ELMO1: variants seen among roughly 807,000 people sequenced by gnomAD.
ELMO1 encodes engulfment and cell motility 1, also known as engulfment and cell motility protein 1.
A neutral mutation model predicts 98.9 loss-of-function variants in ELMO1; 26 were observed. That is an observed-to-expected ratio of 0.26 (90% CI 0.19 to 0.36). The LOEUF is 0.36. Among genes scored for constraint, ELMO1 ranks in the 10% least tolerant of loss-of-function variants. The probability of loss-of-function intolerance (pLI) is 1.00; values close to 1 mark genes in which losing one functional copy is unlikely to be tolerated. For synonymous variants in ELMO1, 346 were observed against 346.0 expected (o/e 1.00, Z 0.00); for missense variants, 627 against 935.2 (o/e 0.67, Z 4.30).
intron 6 of ELMO1, among the ~76,000 whole-genome samples, chr7:37,251,032 G>A (rs185936934): frequency 2.1e-4 from 32 of 152,208 alleles, no homozygotes; most frequent in Admixed American, 3.3e-4. Flanking sequence ...ACAGTGGAAG[G>A]ACACAGAAGT....
intron 15 of ELMO1, among the ~76,000 whole-genome samples, chr7:37,087,118 TC>T (rs1462489173): frequency 6.6e-6 from 1 of 152,240 alleles, no homozygotes; most frequent in African/African-American, 2.4e-5. Flanking sequence ...ATCTTTTTTT[TC>T]CATTTTATAA....
At chr7:37,399,197 C>T (rs1803420701) in intron 1 of ELMO1, among the ~76,000 whole-genome samples, 1 of 152,194 alleles carries the variant, frequency 6.6e-6, no homozygotes, top group Non-Finnish European at 1.5e-5. Context: ...CCAGGAAATG[C>T]CCATGAGGGC....
At chr7:37,180,810 G>GCA (rs776306979) in intron 13 of ELMO1, among the ~76,000 whole-genome samples, 6,778 of 131,084 alleles carry the variant, frequency 0.052, 206 homozygotes, top group Admixed American at 0.084. Flanking sequence ...ACACACATAT[G>GCA]CGCACACACA....
chr7:37,297,753 C>G (rs1188315545), intron 4 of ELMO1, among the ~76,000 whole-genome samples: 1 of 152,156 alleles, frequency 6.6e-6, no homozygotes, highest in Non-Finnish European at 1.5e-5. Flanking sequence ...TGAGGAATGA[C>G]TATGGGCCAA....
intron 1 of ELMO1, among the ~76,000 whole-genome samples, chr7:37,399,467 T>C (rs528869082): frequency 6.6e-6 from 1 of 152,280 alleles, no homozygotes; most frequent in South Asian, 2.1e-4. Context: ...AGGCACATGT[T>C]ATTCCTCTAC....
At chr7:37,374,860 A>G (rs1436446445) in intron 1 of ELMO1, among the ~76,000 whole-genome samples, 1 of 152,144 alleles carries the variant, frequency 6.6e-6, no homozygotes, top group Non-Finnish European at 1.5e-5. Flanking sequence ...CAGGAATTCA[A>G]GACAGTGCAG....
chr7:36,978,583 G>A, intron 16 of ELMO1, among the ~76,000 whole-genome samples: 1 of 152,124 alleles, frequency 6.6e-6, no homozygotes, highest in East Asian at 1.9e-4. Context: ...GATGGCTAAA[G>A]CTCAGCTATC....
At chr7:37,066,242 A>G (rs1796955710) in intron 15 of ELMO1, among the ~76,000 whole-genome samples, 1 of 152,158 alleles carries the variant, frequency 6.6e-6, no homozygotes, top group African/African-American at 2.4e-5. Flanking sequence ...TCACAACCAC[A>G]TGAGGAAGAG....
intron 13 of ELMO1, among the ~76,000 whole-genome samples, chr7:37,209,051 A>G (rs1003305784): frequency 2.0e-5 from 3 of 152,008 alleles, no homozygotes; most frequent in African/African-American, 7.2e-5. Context: ...GAAGCAGAAC[A>G]CTCCCCAGAC....
chr7:37,050,644 AC>A (rs1290075233), intron 15 of ELMO1, among the ~76,000 whole-genome samples: 3 of 151,446 alleles, frequency 2.0e-5, no homozygotes, highest in Admixed American at 6.6e-5. Context: ...ACACACACAC[AC>A]ACACACACAC....
intron 4 of ELMO1, among the ~76,000 whole-genome samples, chr7:37,289,554 C>T (rs968300710): frequency 2.6e-5 from 4 of 152,106 alleles, no homozygotes; most frequent in Non-Finnish European, 5.9e-5. Flanking sequence ...CTCTGAGGCT[C>T]AAAAAGCTGT....
chr7:37,418,273 T>A (rs1337401754), intron 1 of ELMO1, among the ~76,000 whole-genome samples: 2 of 152,216 alleles, frequency 1.3e-5, no homozygotes, highest in African/African-American at 4.8e-5. Context: ...CATTTTGAAC[T>A]GTCTTTAACA....
intron 1 of ELMO1, among the ~76,000 whole-genome samples, chr7:37,390,203 G>A (rs751232791): frequency 6.6e-6 from 1 of 152,224 alleles, no homozygotes; most frequent in Non-Finnish European, 1.5e-5. Flanking sequence ...TCTGTATTTT[G>A]CAGCTGTCGC....
chr7:37,008,004 A>G (rs965113896), intron 16 of ELMO1, among the ~76,000 whole-genome samples: 2 of 152,196 alleles, frequency 1.3e-5, no homozygotes, highest in Admixed American at 1.3e-4. Flanking sequence ...TCTAAGCTCT[A>G]TTGTGTGCGC....
At chr7:36,944,307 A>G (rs1187926148) in intron 16 of ELMO1, among the ~76,000 whole-genome samples, 3 of 152,186 alleles carry the variant, frequency 2.0e-5, no homozygotes, top group Non-Finnish European at 4.4e-5. Flanking sequence ...TGGGCACGAC[A>G]ATCCTGAGAA....
chr7:37,332,228 A>G (rs1800168913), intron 2 of ELMO1, among the ~76,000 whole-genome samples: 1 of 152,260 alleles, frequency 6.6e-6, no homozygotes, highest in African/African-American at 2.4e-5. Context: ...GTAATAATGT[A>G]TTTAGAATAC....
intron 13 of ELMO1, among the ~76,000 whole-genome samples, chr7:37,133,917 C>A (rs1787092181): frequency 6.6e-6 from 1 of 152,106 alleles, no homozygotes; most frequent in Non-Finnish European, 1.5e-5. Context: ...TCAAACACCT[C>A]AGCAACACAA....
intron 4 of ELMO1, among the ~76,000 whole-genome samples, chr7:37,304,654 T>G (rs1010543486): frequency 5.3e-5 from 8 of 152,130 alleles, no homozygotes; most frequent in Non-Finnish European, 1.0e-4. Flanking sequence ...AGGTGGAGGT[T>G]GCAGTGAGCC....
rs145780498 is a variant in ELMO1 at position 37,414,093 on chromosome 7, T to C, written c.-74+34582A>G. ...AAATAATATTTTAATATAATTAATA[T>C]CATTTAATATCAAAATAATATTGAG... On this transcript the variant is annotated intron_variant, in intron 1 of 21. Coordinates refer to ENST00000310758, the MANE Select transcript of ELMO1 (RefSeq NM_014800.11). Among the ~76,000 whole-genome samples, 213 of 152,264 alleles carry C rather than the reference T, an allele frequency of 1.4e-3. 1 individual carries two copies. The highest frequency in any genetic ancestry group is 5.0e-3 in the African/African-American group (209 of 41,554).
Sources: gnomAD v4.1 joint callset for allele counts (sites outside exome capture counted in the v4.1 genomes callset) on GRCh38, gnomAD v4.1.1 for gene constraint, MANE v1.5 for transcripts, NCBI Gene and HGNC (gene_info 2026-07-23, HGNC 2026-07-21) for gene names.